The following PARD3 variants were observed in gnomAD, a reference collection of about 807,000 sequenced individuals.
PARD3 encodes the protein partitioning defective 3 homolog.
Under a neutral mutation model 155.4 loss-of-function variants are expected in PARD3, and 75 were observed. That is an observed-to-expected ratio of 0.48 (90% confidence interval 0.40 to 0.58). The LOEUF (loss-of-function observed/expected upper bound fraction) is 0.58, where lower values mean the gene tolerates loss of function less well. PARD3 is among the 20% of genes least tolerant of loss of function. The pLI is 0.00. For synonymous variants in PARD3, 576 were observed against 610.5 expected (o/e 0.94, Z 0.83); for missense variants, 1,642 against 1,721.7 (o/e 0.95, Z 0.82).
At chr10:34,676,569 A>C (rs1274336294) in intron 2 of PARD3, among the ~76,000 whole-genome samples, 2 of 152,228 alleles carry the variant, frequency 1.3e-5, no homozygotes, top group Admixed American at 6.5e-5. Context: ...GCATGTTTAC[A>C]AGGGCAGAAC....
At chr10:34,212,390 C>A (rs1049584188) in intron 22 of PARD3, among the ~76,000 whole-genome samples, 7 of 152,146 alleles carry the variant, frequency 4.6e-5, no homozygotes, top group Non-Finnish European at 1.0e-4. Context: ...TCTAGCCCGA[C>A]CCCTGACAGC....
intron 22 of PARD3, among the ~76,000 whole-genome samples, chr10:34,187,391 CA>C (rs1950534715): frequency 6.6e-6 from 1 of 152,178 alleles, no homozygotes; most frequent in South Asian, 2.1e-4. Context: ...CTGTACCCAC[CA>C]CAAGTACAAC....
intron 21 of PARD3, among the ~76,000 whole-genome samples, chr10:34,270,788 C>T (rs1955576796): frequency 6.6e-6 from 1 of 152,090 alleles, no homozygotes; most frequent in South Asian, 2.1e-4. Flanking sequence ...AAATTAAGGA[C>T]TAGAAGGCAT....
At chr10:34,628,711 C>G (rs2092111886) in intron 2 of PARD3, among the ~76,000 whole-genome samples, 2 of 152,084 alleles carry the variant, frequency 1.3e-5, no homozygotes, top group Admixed American at 1.3e-4. Context: ...TGGGCCTGAC[C>G]AGGATGGACA....
At chr10:34,749,787 C>A (rs1322711498) in intron 1 of PARD3, among the ~76,000 whole-genome samples, 1 of 152,134 alleles carries the variant, frequency 6.6e-6, no homozygotes, top group African/African-American at 2.4e-5. Context: ...CTTTGAGAGG[C>A]AGGAGGGCAG....
At chr10:34,736,599 C>G (rs185183634) in intron 1 of PARD3, among the ~76,000 whole-genome samples, 1 of 152,130 alleles carries the variant, frequency 6.6e-6, no homozygotes, top group Admixed American at 6.5e-5. Context: ...GACAACTACA[C>G]TGAAGAAAGA....
intron 1 of PARD3, among the ~76,000 whole-genome samples, chr10:34,806,157 A>G (rs544203758): frequency 4.0e-5 from 6 of 151,024 alleles, no homozygotes; most frequent in Non-Finnish European, 8.8e-5. Context: ...CAGCCTCCTG[A>G]GCAGCTGGGA....
At chr10:34,565,863 T>C (rs1473564101) in intron 2 of PARD3, among the ~76,000 whole-genome samples, 1 of 152,272 alleles carries the variant, frequency 6.6e-6, no homozygotes, top group Non-Finnish European at 1.5e-5. Flanking sequence ...CTTTTCATAA[T>C]TTGTTCCATT....
chr10:34,157,942 T>C (rs1949092386), intron 22 of PARD3, among the ~76,000 whole-genome samples: 1 of 152,256 alleles, frequency 6.6e-6, no homozygotes, highest in African/African-American at 2.4e-5. Flanking sequence ...ATATTTCATG[T>C]AGCAACCAGC....
chr10:34,317,657 A>T (rs1420693466), intron 19 of PARD3, among the ~76,000 whole-genome samples: 1 of 152,206 alleles, frequency 6.6e-6, no homozygotes, highest in Non-Finnish European at 1.5e-5. Flanking sequence ...AGACCTTGTT[A>T]TACAGCGCAG....
intron 3 of PARD3, among the ~76,000 whole-genome samples, chr10:34,492,932 TTGGAAAATG>T (rs755059987): frequency 6.6e-6 from 1 of 152,208 alleles, no homozygotes; most frequent in Non-Finnish European, 1.5e-5. Flanking sequence ...CTCTCAATGA[TTGGAAAATG>T]AGGGAATGAA....
chr10:34,411,354 C>T (rs1358851975), intron 5 of PARD3, among the ~76,000 whole-genome samples: 1 of 152,126 alleles, frequency 6.6e-6, no homozygotes, highest in Non-Finnish European at 1.5e-5. Flanking sequence ...CAACATTATT[C>T]TGGGTGTGTC....
chr10:34,577,928 T>A (rs1010184148), intron 2 of PARD3, among the ~76,000 whole-genome samples: 3 of 152,120 alleles, frequency 2.0e-5, no homozygotes, highest in Middle Eastern at 3.4e-3. Context: ...CAGAGCTCGC[T>A]GCAGCTTCAA....
At chr10:34,188,887 A>G (rs1950592018) in intron 22 of PARD3, among the ~76,000 whole-genome samples, 1 of 152,014 alleles carries the variant, frequency 6.6e-6, no homozygotes, top group African/African-American at 2.4e-5. Flanking sequence ...CACCCTTCCC[A>G]ACACAGCATG....
rs184575500 is a variant in PARD3 at position 34,208,656 on chromosome 10, T to C, written c.3419+61001A>G. Among the ~76,000 whole-genome samples, 307 of 152,090 alleles carry C rather than the reference T, an allele frequency of 2.0e-3. 1 individual carries two copies. The highest frequency in any genetic ancestry group is 6.9e-3 in the African/African-American group (288 of 41,478). ...AAATGTGTTAAGCGTGACCCAACGGTCCCCTAGAACTGCTCATGCAGGGTG... is the reference window on the plus strand; with the variant it reads ...AAATGTGTTAAGCGTGACCCAACGGCCCCCTAGAACTGCTCATGCAGGGTG... On this transcript the variant is annotated intron_variant, in intron 22 of 24. Transcript: ENST00000374788.
At chr10:34,579,552 CTCTGTGTG>C (rs1428915769) in intron 2 of PARD3, among the ~76,000 whole-genome samples, 3 of 62,434 alleles carry the variant, frequency 4.8e-5, no homozygotes, top group African/African-American at 1.7e-4. Context: ...CTACCATTTT[CTCTGTGTG>C]TGTGTGTGTG....
intron 4 of PARD3, among the ~76,000 whole-genome samples, chr10:34,461,497 TG>T (rs199816102): frequency 6.6e-6 from 1 of 151,840 alleles, no homozygotes; most frequent in African/African-American, 2.4e-5. Context: ...TCCCAGCTAC[TG>T]GGGGGGCTGA....
At chr10:34,131,401 A>G in intron 23 of PARD3, 62 bp downstream of exon 23, 2 of 1,595,332 alleles carry the variant, frequency 1.3e-6, no homozygotes, top group Non-Finnish European at 1.7e-6. Flanking sequence ...GTCATAGCTT[A>G]GTGGCCTTTG....
At chr10:34,454,475 G>A (rs708399) in intron 4 of PARD3, among the ~76,000 whole-genome samples, 9,696 of 151,676 alleles carry the variant, frequency 0.064, 407 homozygotes, top group African/African-American at 0.12. Flanking sequence ...ATCTATTCAA[G>A]ACTATATATG....
Sources: gnomAD v4.1 joint callset for allele counts (sites outside exome capture counted in the v4.1 genomes callset) on GRCh38, gnomAD v4.1.1 for gene constraint, MANE v1.5 for transcripts, NCBI Gene and HGNC (gene_info 2026-07-23, HGNC 2026-07-21) for gene names.